Variants in ACER3 observed in about 807,000 individuals in gnomAD.
The protein encoded by ACER3 is alkaline ceramidase 3.
Under a neutral mutation model 48.9 loss-of-function variants are expected in ACER3, and 16 were observed. The observed-to-expected ratio is 0.33, with a 90% CI of 0.22 to 0.50. ACER3 has a LOEUF of 0.50. Among genes scored for constraint, ACER3 ranks in the 20% least tolerant of loss-of-function variants. The probability of loss-of-function intolerance (pLI) is 0.98; values close to 1 mark genes in which losing one functional copy is unlikely to be tolerated. For synonymous variants in ACER3, 109 were observed against 107.8 expected, an observed-to-expected ratio of 1.01 and a Z score of -0.07; for missense variants, 227 against 326.0, an observed-to-expected ratio of 0.70 and a Z score of 2.34.
intron 7 of ACER3, among the ~76,000 whole-genome samples, chr11:77,014,514 T>G (rs559158804): frequency 6.6e-6 from 1 of 152,340 alleles, no homozygotes; most frequent in Admixed American, 6.5e-5. Context: ...TGTGTGTGTA[T>G]GTGTAACTAC....
chr11:76,913,175 G>A (rs1946429835), intron 1 of ACER3, among the ~76,000 whole-genome samples: 1 of 152,016 alleles, frequency 6.6e-6, no homozygotes, highest in African/African-American at 2.4e-5. Context: ...CTGTTTGTCT[G>A]TTATTGGTGT....
intron 8 of ACER3, among the ~76,000 whole-genome samples, chr11:77,016,444 G>C (rs1243824984): frequency 5.3e-5 from 8 of 152,124 alleles, no homozygotes; most frequent in Non-Finnish European, 1.2e-4. Context: ...AAAGATATGA[G>C]AGAGAGAAGT....
intron 2 of ACER3, among the ~76,000 whole-genome samples, chr11:76,936,545 T>C (rs1189310249): frequency 6.6e-6 from 1 of 151,930 alleles, no homozygotes; most frequent in African/African-American, 2.4e-5. Flanking sequence ...ACAAATTATG[T>C]AAAATAAAAA....
At chr11:76,883,674 A>C (rs1945595208) in intron 1 of ACER3, among the ~76,000 whole-genome samples, 1 of 151,904 alleles carries the variant, frequency 6.6e-6, no homozygotes, top group Admixed American at 6.6e-5. Context: ...CGAATTCCTG[A>C]CCTCAAGTGA....
Position 77,020,266 on chromosome 11 carries a change from CCAAA to C in ACER3, c.751-5_751-2del, listed in dbSNP as rs1555024153. ...TTTCTCATTTTGTCCTAATTTGTCC[CCAAA>C]CAGTTTCTCTTTGGAATCTGGCCAG... On this transcript the variant is annotated splice_polypyrimidine_tract_variant and splice_region_variant and intron_variant, in intron 10 of 10. Coordinates refer to ENST00000532485, the MANE Select transcript of ACER3 (RefSeq NM_018367.7). 9 of 1,613,522 alleles carry C rather than the reference CCAAA, an allele frequency of 5.6e-6. No homozygotes were observed. The Admixed American group carries it at 6.7e-5, about 12-fold the overall frequency.
chr11:76,910,313 T>G (rs879822950), intron 1 of ACER3, among the ~76,000 whole-genome samples: 3 of 152,266 alleles, frequency 2.0e-5, no homozygotes, highest in East Asian at 1.9e-4. Flanking sequence ...ATAAGTTACT[T>G]AAGAGTAACT....
chr11:76,959,792 G>A (rs977839183), intron 3 of ACER3, among the ~76,000 whole-genome samples: 2 of 151,918 alleles, frequency 1.3e-5, no homozygotes, highest in Non-Finnish European at 2.9e-5. Context: ...GACCTCAGGT[G>A]ATCCGCCTGC....
intron 2 of ACER3, among the ~76,000 whole-genome samples, chr11:76,928,983 TC>T (rs1260922594): frequency 6.6e-6 from 1 of 152,176 alleles, no homozygotes; most frequent in African/African-American, 2.4e-5. Context: ...AGTAGGTTTT[TC>T]CAATTCTGTG....
chr11:76,874,651 C>T (rs980981464), intron 1 of ACER3, among the ~76,000 whole-genome samples: 1 of 152,138 alleles, frequency 6.6e-6, no homozygotes, highest in Non-Finnish European at 1.5e-5. Flanking sequence ...GCATTAAGTG[C>T]AAAAGCTAAG....
chr11:76,936,572 A>G (rs1254640328), intron 2 of ACER3, among the ~76,000 whole-genome samples: 1 of 152,142 alleles, frequency 6.6e-6, no homozygotes, highest in Non-Finnish European at 1.5e-5. Context: ...TTGTTATATA[A>G]CATTTACGTT....
chr11:76,951,745 TG>T (rs1947675936), intron 2 of ACER3, among the ~76,000 whole-genome samples: 1 of 152,226 alleles, frequency 6.6e-6, no homozygotes, highest in Admixed American at 6.5e-5. Context: ...AAGTTTCTGG[TG>T]ACAGTGAACT....
At chr11:76,971,410 C>G (rs986451775) in intron 3 of ACER3, among the ~76,000 whole-genome samples, 16 of 151,984 alleles carry the variant, frequency 1.1e-4, no homozygotes, top group Non-Finnish European at 5.9e-5. Context: ...TGTGGTGGCA[C>G]GCGCCCACAG....
chr11:77,009,010 T>A (rs782521413), intron 7 of ACER3, among the ~76,000 whole-genome samples: 2 of 152,186 alleles, frequency 1.3e-5, no homozygotes, highest in Non-Finnish European at 1.5e-5. Flanking sequence ...CATTGAGCCA[T>A]GATTGTACCA....
At chr11:76,898,903 CAAAAAAAAAAAAAAAAA>C (rs59278347) in intron 1 of ACER3, among the ~76,000 whole-genome samples, 1 of 55,848 alleles carries the variant, frequency 1.8e-5, no homozygotes, top group Admixed American at 2.7e-4. Flanking sequence ...GACTCCGTCT[CAAAAAAAAAAAAAAAAA>C]AAAAAAAAAA....
intron 8 of ACER3, 124 bp downstream of exon 8, chr11:77,015,241 G>T (rs1351053053): frequency 3.3e-6 from 2 of 615,232 alleles, no homozygotes; most frequent in Non-Finnish European, 5.6e-6. Flanking sequence ...ACATTTAAAA[G>T]ATATATACAG....
chr11:76,878,067 C>T (rs1398499077), intron 1 of ACER3, among the ~76,000 whole-genome samples: 2 of 151,774 alleles, frequency 1.3e-5, no homozygotes, highest in Non-Finnish European at 2.9e-5. Context: ...TTCATTTATC[C>T]ATTCTTTAAT....
At chr11:76,900,001 A>T (rs1565166076) in intron 1 of ACER3, among the ~76,000 whole-genome samples, 1 of 152,208 alleles carries the variant, frequency 6.6e-6, no homozygotes, top group Non-Finnish European at 1.5e-5. Context: ...TATTCTTCTT[A>T]TAATAAAGTA....
rs1944925479 is a variant in ACER3, at chr11:76,861,076, T to C, written c.100T>C (p.Phe34Leu). ...NYSVTWYIAE[F>L]WNTVSNLIMI... ...CTCCGTGACCTGGTACATCGCCGAG[T>C]TCTGTGAGTGTGGCCTGAGGAGGGG... is the stretch of plus-strand genomic sequence containing the variant. Residue 34 changes from phenylalanine to leucine, a missense_variant, in exon 1 of 11, where the codon TTC becomes CTC. By Grantham distance (22) the Phe-to-Leu change is conservative. Transcript: ENST00000532485. 3 of 1,540,510 alleles carry C rather than the reference T, an allele frequency of 1.9e-6. No homozygotes were observed. Among genetic ancestry groups the C allele is most frequent in the East Asian group, 2.5e-5 (1 of 40,114 alleles).
chr11:77,025,395 T>TATATATATATATA lies in ACER3; in HGVS notation c.*5069_*5081dup, dbSNP rs1324018585. The TATATATATATATA allele has an allele frequency of 7.3e-6, 1 of 136,764 alleles. No homozygotes were observed. Among genetic ancestry groups the TATATATATATATA allele is most frequent in the African/African-American group, 3.2e-5 (1 of 31,528 alleles). The allele number at this position is 136,764 out of a possible 1,614,324, so 8.5% of individuals were successfully genotyped here. ...TTATTTTATTTTATTTTATTCTTTA[T>TATATATATATATA]ATATATATATATATATTTATTTATT... is the stretch of plus-strand genomic sequence containing the variant. On this transcript the variant is annotated 3_prime_UTR_variant, in exon 11 of 11. Transcript: ENST00000532485.
Sources: gnomAD v4.1 joint callset for allele counts (sites outside exome capture counted in the v4.1 genomes callset) on GRCh38, gnomAD v4.1.1 for gene constraint, MANE v1.5 for transcripts, NCBI Gene and HGNC (gene_info 2026-07-23, HGNC 2026-07-21) for gene names.